The following TBC1D5 variants were observed in gnomAD, a reference collection of about 807,000 sequenced individuals.
The protein encoded by TBC1D5 is TBC1 domain family member 5, also known as TBC1 domain family, member 5.
Under a neutral mutation model 100.3 loss-of-function variants are expected in TBC1D5, and 75 were observed. The observed-to-expected ratio is 0.75, with a 90% CI of 0.62 to 0.91. TBC1D5 has a LOEUF of 0.91. TBC1D5 is among the 40% of genes least tolerant of loss of function. The pLI is 0.00. For synonymous variants in TBC1D5, 323 were observed against 325.6 expected, an observed-to-expected ratio of 0.99 and a Z score of 0.09; for missense variants, 910 against 942.4, an observed-to-expected ratio of 0.97 and a Z score of 0.45.
chr3:17,509,518 C>T (rs1312798637), intron 2 of TBC1D5, among the ~76,000 whole-genome samples: 1 of 151,990 alleles, frequency 6.6e-6, no homozygotes, highest in Non-Finnish European at 1.5e-5. Context: ...ATTTTCTGAA[C>T]CAACCTGATA....
chr3:17,368,422 T>A (rs1268182767), intron 13 of TBC1D5, among the ~76,000 whole-genome samples: 1 of 152,040 alleles, frequency 6.6e-6, no homozygotes, highest in Non-Finnish European at 1.5e-5. Flanking sequence ...ATTGCAAAAT[T>A]TAGTGACAAA....
intron 2 of TBC1D5, among the ~76,000 whole-genome samples, chr3:17,579,842 CAAGAATGGGT>C (rs1174745382): frequency 6.6e-6 from 1 of 151,986 alleles, no homozygotes; most frequent in Non-Finnish European, 1.5e-5. Flanking sequence ...GGAACTTGAG[CAAGAATGGGT>C]AAGAAGGGCA....
At chr3:17,309,977 A>G (rs2083828779) in intron 13 of TBC1D5, among the ~76,000 whole-genome samples, 1 of 152,112 alleles carries the variant, frequency 6.6e-6, no homozygotes, top group Admixed American at 6.5e-5. Context: ...ATACACAACT[A>G]CAGTTAGGAA....
At chr3:17,368,186 T>C (rs1289891224) in intron 13 of TBC1D5, among the ~76,000 whole-genome samples, 3 of 152,112 alleles carry the variant, frequency 2.0e-5, no homozygotes, top group Admixed American at 6.5e-5. Context: ...GTGGACTTAT[T>C]CACATGTCAA....
chr3:17,281,939 T>C lies in TBC1D5; in HGVS notation c.1245+9956A>G, dbSNP rs1049111432. ...TTTATAATCTTTTTTTCATAACTTATGATTTGTAATCTTCAATTTCGTTAA... is the reference window on the plus strand; with the variant it reads ...TTTATAATCTTTTTTTCATAACTTACGATTTGTAATCTTCAATTTCGTTAA... On this transcript the variant is annotated intron_variant, in intron 15 of 21. Transcript: ENST00000253692. Among the ~76,000 whole-genome samples, 6 of 152,356 alleles carry C rather than the reference T, an allele frequency of 3.9e-5. No individual in the cohort carries two copies. In the East Asian group the frequency reaches 9.6e-4, roughly 24 times the overall value.
intron 1 of TBC1D5, among the ~76,000 whole-genome samples, chr3:17,637,614 G>A (rs9855515): frequency 0.7 from 106,412 of 151,700 alleles, 37,723 homozygotes; most frequent in East Asian, 0.99. Context: ...AGGACAAAAA[G>A]TGAACAAAAA....
At chr3:17,531,718 AAAAC>A (rs1189921247) in intron 2 of TBC1D5, among the ~76,000 whole-genome samples, 1 of 152,222 alleles carries the variant, frequency 6.6e-6, no homozygotes, top group Non-Finnish European at 1.5e-5. Flanking sequence ...AAACCTGAGA[AAAAC>A]AAGCAATGGG....
intron 3 of TBC1D5, among the ~76,000 whole-genome samples, chr3:17,484,292 T>C (rs2095533229): frequency 2.0e-5 from 3 of 152,198 alleles, no homozygotes; most frequent in Admixed American, 2.0e-4. Context: ...TATTAAGAGA[T>C]AACAAAACAG....
At chr3:17,414,296 T>C (rs1343972888) in intron 4 of TBC1D5, among the ~76,000 whole-genome samples, 2 of 152,136 alleles carry the variant, frequency 1.3e-5, no homozygotes, top group African/African-American at 4.8e-5. Context: ...TTTATACAAT[T>C]TCATAATCCT....
chr3:17,576,719 A>T (rs1171198508), intron 2 of TBC1D5, among the ~76,000 whole-genome samples: 2 of 152,058 alleles, frequency 1.3e-5, no homozygotes, highest in Non-Finnish European at 2.9e-5. Context: ...GCACGTGTAT[A>T]CACAAAATGA....
At chr3:17,179,094 C>A (rs1352618436) in intron 19 of TBC1D5, among the ~76,000 whole-genome samples, 1 of 152,332 alleles carries the variant, frequency 6.6e-6, no homozygotes, top group Non-Finnish European at 1.5e-5. Context: ...ACTATAGGCA[C>A]GTGCCTCCAA....
chr3:17,740,018 A>T (rs1447604995), exon 1 of TBC1D5: 1 of 140,642 alleles, frequency 7.1e-6, no homozygotes, highest in Admixed American at 7.1e-5. Flanking sequence ...AACAAAAAAC[A>T]AAAAAAAAAA....
At chr3:17,432,867 A>G (rs1321351097) in intron 3 of TBC1D5, among the ~76,000 whole-genome samples, 10 of 152,246 alleles carry the variant, frequency 6.6e-5, no homozygotes, top group Admixed American at 6.5e-4. Flanking sequence ...TTGAAACTCC[A>G]AGTAGTACAT....
intron 1 of TBC1D5, chr3:17,706,244 A>C: frequency 6.5e-7 from 1 of 1,548,876 alleles, no homozygotes; most frequent in South Asian, 1.2e-5. Context: ...CACCACATTG[A>C]TATTTGTACT....
intron 1 of TBC1D5, among the ~76,000 whole-genome samples, chr3:17,714,993 A>AAAGG (rs1244219726): frequency 1.3e-5 from 2 of 152,196 alleles, no homozygotes; most frequent in African/African-American, 4.8e-5. Flanking sequence ...TTAAATGTGC[A>AAAGG]AAGGAAGGAA....
chr3:17,730,467 G>A (rs2076467777), intron 1 of TBC1D5, among the ~76,000 whole-genome samples: 1 of 152,134 alleles, frequency 6.6e-6, no homozygotes, highest in Admixed American at 6.5e-5. Flanking sequence ...TCATGGCCAG[G>A]CCACAGGAAA....
chr3:17,238,829 T>A (rs538679945), intron 16 of TBC1D5, among the ~76,000 whole-genome samples: 1 of 152,114 alleles, frequency 6.6e-6, no homozygotes, highest in East Asian at 1.9e-4. Context: ...AGTCATGGGG[T>A]CCTCACAGAA....
At chr3:17,495,032 C>T (rs566000306) in intron 3 of TBC1D5, among the ~76,000 whole-genome samples, 16 of 152,348 alleles carry the variant, frequency 1.1e-4, no homozygotes, top group South Asian at 2.1e-4. Flanking sequence ...TTGCCCCGTG[C>T]GGCTCCCGGG....
intron 4 of TBC1D5, among the ~76,000 whole-genome samples, chr3:17,410,186 C>A (rs1049724034): frequency 1.3e-5 from 2 of 152,128 alleles, no homozygotes; most frequent in African/African-American, 4.8e-5. Flanking sequence ...GCCAAATCTA[C>A]TCTCCTTGTG....
Sources: allele counts gnomAD v4.1 joint callset (sites outside exome capture counted in the v4.1 genomes callset), GRCh38; gene constraint gnomAD v4.1.1; transcripts MANE v1.5; gene names NCBI Gene and HGNC (gene_info 2026-07-23, HGNC 2026-07-21).